The following HS3ST5 variants were observed in gnomAD, a reference collection of about 807,000 sequenced individuals.
The protein encoded by HS3ST5 is heparan sulfate glucosamine 3-O-sulfotransferase 5.
In HS3ST5, 10 loss-of-function variants were observed where a neutral mutation model predicts 25.4. That is an observed-to-expected ratio of 0.39 (90% CI 0.24 to 0.67). The LOEUF (loss-of-function observed/expected upper bound fraction) is 0.67. HS3ST5 is among the 30% of genes least tolerant of loss of function. The pLI, the probability that HS3ST5 is intolerant of heterozygous loss-of-function variation, is 0.44. For missense variants in HS3ST5, 324 were observed against 420.7 expected (o/e 0.77, Z 2.01); for synonymous variants, 170 against 162.4 (o/e 1.05, Z -0.36).
intron 3 of HS3ST5, among the ~76,000 whole-genome samples, chr6:114,081,179 T>TA (rs1448588832): frequency 2.0e-5 from 3 of 152,118 alleles, no homozygotes; most frequent in Non-Finnish European, 4.4e-5. Context: ...CCGAAATAAT[T>TA]ACAGTAGTAA....
At chr6:114,176,739 T>C (rs1010790935) in intron 2 of HS3ST5, among the ~76,000 whole-genome samples, 2 of 152,272 alleles carry the variant, frequency 1.3e-5, no homozygotes, top group East Asian at 1.9e-4. Flanking sequence ...AAGGTATAAT[T>C]GTTGAACACA....
chr6:114,134,341 C>T (rs1232329063), intron 3 of HS3ST5, among the ~76,000 whole-genome samples: 1 of 152,142 alleles, frequency 6.6e-6, no homozygotes, highest in Non-Finnish European at 1.5e-5. Flanking sequence ...CCCAAGGTTG[C>T]ACTGCTGGCT....
intron 3 of HS3ST5, among the ~76,000 whole-genome samples, chr6:114,074,205 G>A (rs1349750272): frequency 6.6e-6 from 1 of 151,650 alleles, no homozygotes; most frequent in Admixed American, 6.6e-5. Context: ...ATGATGATTT[G>A]ATGGGTACAG....
intron 3 of HS3ST5, among the ~76,000 whole-genome samples, chr6:114,153,871 G>T (rs1400432935): frequency 2.0e-5 from 3 of 152,186 alleles, no homozygotes; most frequent in Non-Finnish European, 4.4e-5. Flanking sequence ...AAACTAAGAT[G>T]CAGAAAGGTC....
chr6:114,068,061 T>C (rs1410631263), intron 3 of HS3ST5, among the ~76,000 whole-genome samples: 1 of 152,178 alleles, frequency 6.6e-6, no homozygotes, highest in Non-Finnish European at 1.5e-5. Flanking sequence ...AGATTAATTA[T>C]TTTACAGAGA....
chr6:114,212,374 T>C (rs566012162), intron 2 of HS3ST5, among the ~76,000 whole-genome samples: 107 of 152,334 alleles, frequency 7.0e-4, no homozygotes, highest in African/African-American at 2.4e-3. Context: ...CATTGCTCTT[T>C]TCTCACTTGC....
rs182005060 is a variant in HS3ST5, at chr6:114,308,916, G to T, written c.-339+33279C>A. On this transcript the variant is annotated intron_variant, in intron 1 of 4. Coordinates refer to ENST00000312719, the MANE Select transcript of HS3ST5 (RefSeq NM_153612.4). ...GGCAGGTGCTCTCAGAGCCAAGCAG[G>T]TATGAAACAAGAGAAGGATGATGTT... is the stretch of plus-strand genomic sequence containing the variant. Among the ~76,000 whole-genome samples the T allele has an allele frequency of 6.6e-5, 10 of 152,326 alleles. No individual in the cohort carries two copies. The East Asian group carries it at 1.4e-3, about 21-fold the overall frequency.
At chr6:114,158,860 T>C (rs7745935) in intron 3 of HS3ST5, among the ~76,000 whole-genome samples, 34,667 of 152,150 alleles carry the variant, frequency 0.23, 4,112 homozygotes, top group Middle Eastern at 0.3. Context: ...AAAAATCTTT[T>C]CAGCTTTTCT....
chr6:114,208,213 G>A (rs566494669), intron 2 of HS3ST5, among the ~76,000 whole-genome samples: 7 of 152,260 alleles, frequency 4.6e-5, no homozygotes, highest in East Asian at 1.9e-4. Context: ...GTGGATGTGC[G>A]GGAGCTTCTG....
At chr6:114,084,322 A>T (rs1183312664) in intron 3 of HS3ST5, 5 of 764,514 alleles carry the variant, frequency 6.5e-6, no homozygotes, top group Non-Finnish European at 1.2e-5. Context: ...CCAGTCTGCA[A>T]TCTCAGGCTG....
intron 1 of HS3ST5, among the ~76,000 whole-genome samples, chr6:114,314,877 CACTAACTGT>C (rs1272131625): frequency 3.3e-5 from 5 of 152,128 alleles, no homozygotes; most frequent in Admixed American, 6.5e-5. Context: ...TTATGTAGGT[CACTAACTGT>C]GAAGAGGAAT....
chr6:114,208,323 CTA>C (rs1781367676), intron 2 of HS3ST5, among the ~76,000 whole-genome samples: 1 of 152,170 alleles, frequency 6.6e-6, no homozygotes, highest in Admixed American at 6.5e-5. Flanking sequence ...TCATAATTCA[CTA>C]TTTGTAATTC....
chr6:114,236,149 C>T (rs879396281), intron 1 of HS3ST5, among the ~76,000 whole-genome samples: 5 of 152,176 alleles, frequency 3.3e-5, no homozygotes, highest in Non-Finnish European at 7.3e-5. Flanking sequence ...CCCTGATCTT[C>T]CTCACTCTGT....
At chr6:114,092,585 A>G (rs1210593560) in intron 3 of HS3ST5, among the ~76,000 whole-genome samples, 1 of 152,194 alleles carries the variant, frequency 6.6e-6, no homozygotes. Flanking sequence ...TGGCAGACAG[A>G]AAAATAGAAA....
At chr6:114,147,529 A>T (rs577854256) in intron 3 of HS3ST5, among the ~76,000 whole-genome samples, 2 of 152,276 alleles carry the variant, frequency 1.3e-5, no homozygotes, top group East Asian at 3.9e-4. Flanking sequence ...CAACCTACCA[A>T]TCTGGACTAC....
At chr6:114,214,484 A>G (rs1024196187) in intron 2 of HS3ST5, among the ~76,000 whole-genome samples, 3 of 152,152 alleles carry the variant, frequency 2.0e-5, no homozygotes, top group African/African-American at 7.2e-5. Flanking sequence ...TTGGACATGT[A>G]TATTTCCTCA....
At chr6:114,114,628 GTTA>G (rs1265973172) in intron 3 of HS3ST5, among the ~76,000 whole-genome samples, 3 of 151,918 alleles carry the variant, frequency 2.0e-5, no homozygotes, top group African/African-American at 4.8e-5. Flanking sequence ...GGTCTATTTT[GTTA>G]TTATTACACA....
chr6:114,073,478 G>C (rs555278542), intron 3 of HS3ST5, among the ~76,000 whole-genome samples: 5 of 152,240 alleles, frequency 3.3e-5, no homozygotes, highest in African/African-American at 1.2e-4. Flanking sequence ...AGTGGGCAAA[G>C]GATAAGAACA....
chr6:114,265,210 G>C (rs1773353085), intron 1 of HS3ST5, among the ~76,000 whole-genome samples: 1 of 151,976 alleles, frequency 6.6e-6, no homozygotes, highest in Admixed American at 6.6e-5. Context: ...AGGCAGAAAG[G>C]GTGCCAAAAG....
Sources: gnomAD v4.1 joint callset for allele counts (sites outside exome capture counted in the v4.1 genomes callset) on GRCh38, gnomAD v4.1.1 for gene constraint, MANE v1.5 for transcripts, NCBI Gene and HGNC (gene_info 2026-07-23, HGNC 2026-07-21) for gene names.